The following RASGRP1 variants were observed in gnomAD, a reference collection of about 807,000 sequenced individuals.
The protein encoded by RASGRP1 is RAS guanyl-releasing protein 1.
Under a neutral mutation model 95.1 loss-of-function variants are expected in RASGRP1, and 37 were observed. That is an observed-to-expected ratio of 0.39 (90% CI 0.30 to 0.51). The LOEUF is 0.51. Ranked by LOEUF, RASGRP1 falls within the 20% of genes least tolerant of loss-of-function variation. The pLI is 0.80. For missense variants in RASGRP1, 711 were observed against 965.4 expected (o/e 0.74, Z 3.49); for synonymous variants, 325 against 353.4 (o/e 0.92, Z 0.90).
At chr15:38,547,925 A>C (rs2141179088) in intron 2 of RASGRP1, among the ~76,000 whole-genome samples, 1 of 149,920 alleles carries the variant, frequency 6.7e-6, no homozygotes, top group South Asian at 2.1e-4. Flanking sequence ...TACTTACTCA[A>C]CTCCAACTCC....
intron 2 of RASGRP1, among the ~76,000 whole-genome samples, chr15:38,536,293 CT>C (rs1892642752): frequency 6.6e-6 from 1 of 152,182 alleles, no homozygotes; most frequent in Non-Finnish European, 1.5e-5. Context: ...CCTGTCCTAG[CT>C]TCCCAGAAGG....
intron 2 of RASGRP1, among the ~76,000 whole-genome samples, chr15:38,549,660 C>CCCTCTTT (rs1566936349): frequency 6.6e-6 from 1 of 151,334 alleles, no homozygotes; most frequent in African/African-American, 2.4e-5. Context: ...CTTCCCTCTT[C>CCCTCTTT]CCCTCTGCTT....
intron 1 of RASGRP1, among the ~76,000 whole-genome samples, chr15:38,561,869 T>G (rs571437250): frequency 6.6e-6 from 1 of 152,356 alleles, no homozygotes; most frequent in South Asian, 2.1e-4. Context: ...GCCCCAGAAT[T>G]GGATCAGTCT....
intron 16 of RASGRP1, among the ~76,000 whole-genome samples, chr15:38,491,161 G>A (rs906888933): frequency 9.9e-5 from 15 of 152,242 alleles, no homozygotes; most frequent in African/African-American, 3.6e-4. Flanking sequence ...CCCCTAAGTT[G>A]AGATTTAGTG....
At chr15:38,521,673 C>T (rs1401838153) in intron 3 of RASGRP1, among the ~76,000 whole-genome samples, 1 of 152,152 alleles carries the variant, frequency 6.6e-6, no homozygotes, top group Middle Eastern at 3.2e-3. Flanking sequence ...TTTGCTGGAA[C>T]CCTCAGACCC....
At chr15:38,536,666 T>C (rs551197474) in intron 2 of RASGRP1, among the ~76,000 whole-genome samples, 2 of 152,322 alleles carry the variant, frequency 1.3e-5, no homozygotes, top group South Asian at 4.1e-4. Context: ...ATAGATAACC[T>C]CATTCCAGTG....
intron 9 of RASGRP1, 46 bp downstream of exon 9, chr15:38,507,680 G>T: frequency 6.5e-7 from 1 of 1,534,562 alleles, no homozygotes; most frequent in South Asian, 1.2e-5. Context: ...AATGGCACCT[G>T]GCACACAGAA....
At chr15:38,540,006 T>A (rs1404025735) in intron 2 of RASGRP1, among the ~76,000 whole-genome samples, 1 of 152,144 alleles carries the variant, frequency 6.6e-6, no homozygotes, top group East Asian at 1.9e-4. Context: ...ACACTTGACT[T>A]CCTGGGCTCA....
rs1890525514 is a variant in RASGRP1 at position 38,490,374 on chromosome 15, CTG to C, written c.*178_*179del. 1.8e-6 allele frequency: 1 copy of C among 555,020 alleles called. No individual in the cohort carries two copies. Among genetic ancestry groups the C allele is most frequent in the African/African-American group, 2.0e-5 (1 of 51,214 alleles). 34.4% of individuals were successfully genotyped at this position (555,020 alleles called of 1,614,324 possible). ...AGTTTTCCCCCTTTGAGTCAACTAA[CTG>C]AAAGAGAAAACAGTGCTGCACATTA... is the stretch of plus-strand genomic sequence containing the variant. On this transcript the variant is annotated 3_prime_UTR_variant, in exon 17 of 17. Transcript: ENST00000310803.
intron 1 of RASGRP1, 82 bp downstream of exon 1, chr15:38,564,512 G>T: frequency 8.3e-7 from 1 of 1,197,834 alleles, no homozygotes. Context: ...AACTTCCCTC[G>T]GGGTGTTGGG....
chr15:38,535,022 C>A (rs1229362964), intron 2 of RASGRP1, among the ~76,000 whole-genome samples: 1 of 152,196 alleles, frequency 6.6e-6, no homozygotes, highest in Non-Finnish European at 1.5e-5. Context: ...TGGGTGAGAA[C>A]ACCTGATAAT....
intron 3 of RASGRP1, among the ~76,000 whole-genome samples, chr15:38,521,517 A>G (rs190216780): frequency 6.6e-6 from 1 of 152,266 alleles, no homozygotes; most frequent in Admixed American, 6.5e-5. Context: ...AGGTCCTTAG[A>G]GCCCCTATGC....
chr15:38,541,002 T>C (rs1191191430), intron 2 of RASGRP1, among the ~76,000 whole-genome samples: 1 of 152,162 alleles, frequency 6.6e-6, no homozygotes, highest in Non-Finnish European at 1.5e-5. Flanking sequence ...ACTCCTTGGT[T>C]TGCTCCTGGG....
intron 11 of RASGRP1, among the ~76,000 whole-genome samples, 194 bp from the exon 12 acceptor site, chr15:38,502,615 T>A (rs1251053293): frequency 1.3e-5 from 2 of 152,134 alleles, no homozygotes; most frequent in African/African-American, 4.8e-5. Flanking sequence ...GGTAGCAGCA[T>A]GTGGGGGGTG....
At chr15:38,548,100 C>A (rs73384171) in intron 2 of RASGRP1, among the ~76,000 whole-genome samples, 6,082 of 151,610 alleles carry the variant, frequency 0.04, 286 homozygotes, top group East Asian at 0.17. Flanking sequence ...TGATGTGTAA[C>A]CAAAGTAACC....
Position 38,507,957 on chromosome 15 carries a change from G to C in RASGRP1, c.1011C>G (p.Tyr337Ter). ...CTCCATAGGCTCGCCGGTAATTGTC[G>C]TAGTTTCTGGAGGAGGACAGCAGCT... ...MTELLSSSRN[Y>*]DNYRRAYGEC... Residue 337 changes from tyrosine to a stop codon, truncating the protein, a stop_gained, in exon 9 of 17, where the codon TAC (tyrosine) becomes TAG (stop). Coordinates refer to ENST00000310803, the MANE Select transcript of RASGRP1 (RefSeq NM_005739.4). LOFTEE classifies it high-confidence loss of function. The C allele has an allele frequency of 6.2e-7, 1 of 1,610,000 alleles. No homozygotes were observed. Among genetic ancestry groups the C allele is most frequent in the Non-Finnish European group, 8.5e-7 (1 of 1,178,460 alleles).
At chr15:38,500,068 T>A (rs1171286085) in intron 14 of RASGRP1, 35 bp downstream of exon 14, 1 of 1,605,076 alleles carries the variant, frequency 6.2e-7, no homozygotes, top group Non-Finnish European at 8.5e-7. Flanking sequence ...AATGGACTGA[T>A]ACACCAGGAA....
chr15:38,517,589 G>A (rs1041719828), intron 5 of RASGRP1, among the ~76,000 whole-genome samples: 3 of 152,116 alleles, frequency 2.0e-5, no homozygotes, highest in African/African-American at 7.2e-5. Flanking sequence ...CATTCTTGCT[G>A]AGCCTCAATT....
intron 3 of RASGRP1, 21 bp downstream of exon 3, chr15:38,526,278 A>T: frequency 6.3e-7 from 1 of 1,584,432 alleles, no homozygotes; most frequent in Non-Finnish European, 8.7e-7. Flanking sequence ...TGGGATTGCC[A>T]GTCACTATGT....
Sources: gnomAD v4.1 joint callset for allele counts (sites outside exome capture counted in the v4.1 genomes callset) on GRCh38, gnomAD v4.1.1 for gene constraint, MANE v1.5 for transcripts, NCBI Gene and HGNC (gene_info 2026-07-23, HGNC 2026-07-21) for gene names.